The following FERMT1 variants were observed in gnomAD, a reference collection of about 807,000 sequenced individuals.
FERMT1 encodes the protein FERM domain containing kindlin 1.
Under a neutral mutation model 85.3 loss-of-function variants are expected in FERMT1, and 60 were observed. That is an observed-to-expected ratio of 0.70 (90% CI 0.57 to 0.87). The LOEUF is 0.87. Among genes scored for constraint, FERMT1 ranks in the 40% least tolerant of loss-of-function variants. The pLI, the probability that FERMT1 is intolerant of heterozygous loss-of-function variation, is 0.00. For missense variants in FERMT1, 701 were observed against 818.9 expected (o/e 0.86, Z 1.76); for synonymous variants, 275 against 301.1 (o/e 0.91, Z 0.90).
chr20:6,113,243 C>T (rs907006101), intron 3 of FERMT1, among the ~76,000 whole-genome samples: 19 of 152,186 alleles, frequency 1.2e-4, no homozygotes, highest in African/African-American at 4.6e-4. Context: ...TTGCCTTCCT[C>T]CATGATTGTG....
intron 10 of FERMT1, among the ~76,000 whole-genome samples, chr20:6,088,532 T>C (rs1409452823): frequency 6.6e-6 from 1 of 152,132 alleles, no homozygotes; most frequent in Admixed American, 6.5e-5. Context: ...CAGGCTGTCA[T>C]TTGGAAAACA....
intron 8 of FERMT1, among the ~76,000 whole-genome samples, chr20:6,095,685 G>C (rs1038411606): frequency 6.6e-6 from 1 of 152,176 alleles, no homozygotes; most frequent in South Asian, 2.1e-4. Context: ...TTATTCAGCG[G>C]AGAAAGTAGA....
At chr20:6,083,659 C>A (rs1022282689) in intron 13 of FERMT1, among the ~76,000 whole-genome samples, 6 of 125,690 alleles carry the variant, frequency 4.8e-5, no homozygotes, top group South Asian at 2.6e-4. Flanking sequence ...TGAGACACCC[C>A]CCCCCCCGGC....
Position 6,086,257 on chromosome 20 carries a change from G to A in FERMT1, c.1372-970C>T, listed in dbSNP as rs149521233. On this transcript the variant is annotated intron_variant, in intron 11 of 14. Coordinates refer to ENST00000217289, the MANE Select transcript of FERMT1 (RefSeq NM_017671.5). Reference sequence around the variant, plus strand: ...TATTTCTGTTTTCATATCACATCTGGTCTCTACGCCCAAAAGAAAATGATG... The same window carrying A: ...TATTTCTGTTTTCATATCACATCTGATCTCTACGCCCAAAAGAAAATGATG... Among the ~76,000 whole-genome samples the A allele has an allele frequency of 5.6e-3, 851 of 152,226 alleles. 6 individuals are homozygous for A. Among genetic ancestry groups the A allele is most frequent in the African/African-American group, 0.019 (794 of 41,526 alleles).
chr20:6,100,646 A>C (rs1982637422), intron 6 of FERMT1, among the ~76,000 whole-genome samples: 1 of 152,244 alleles, frequency 6.6e-6, no homozygotes, highest in Non-Finnish European at 1.5e-5. Context: ...CTAAACAGAA[A>C]AACCATGACT....
At chr20:6,080,388 T>A (rs1255137073) in intron 13 of FERMT1, among the ~76,000 whole-genome samples, 2 of 152,144 alleles carry the variant, frequency 1.3e-5, no homozygotes, top group Non-Finnish European at 2.9e-5. Flanking sequence ...ACTTAGGCAA[T>A]CCTCCTGCCT....
At chr20:6,086,857 G>C (rs1263819460) in intron 11 of FERMT1, among the ~76,000 whole-genome samples, 1 of 152,104 alleles carries the variant, frequency 6.6e-6, no homozygotes, top group African/African-American at 2.4e-5. Context: ...GTGGAACTAG[G>C]AGTCAATTAA....
At chr20:6,111,839 T>C (rs1002828016) in intron 4 of FERMT1, among the ~76,000 whole-genome samples, 1 of 151,584 alleles carries the variant, frequency 6.6e-6, no homozygotes, top group African/African-American at 2.4e-5. Context: ...GAAGTGTATT[T>C]GAGTGATTTA....
intron 5 of FERMT1, 114 bp downstream of exon 5, chr20:6,110,184 T>G: frequency 1.1e-6 from 1 of 909,200 alleles, no homozygotes; most frequent in Non-Finnish European, 1.8e-6. Context: ...AGCACTAACT[T>G]TTGCAAATAA....
intron 6 of FERMT1, among the ~76,000 whole-genome samples, 186 bp downstream of exon 6, chr20:6,107,346 G>A (rs1982826822): frequency 6.6e-6 from 1 of 152,162 alleles, no homozygotes. Flanking sequence ...GCAGCTTACT[G>A]TGCTCAGTAG....
intron 11 of FERMT1, among the ~76,000 whole-genome samples, chr20:6,086,801 T>C (rs375128259): frequency 1.4e-4 from 22 of 152,100 alleles, no homozygotes; most frequent in Admixed American, 9.2e-4. Flanking sequence ...TCCGCTAAGA[T>C]TGTAAGTTTC....
In FERMT1 at chr20:6,084,175, A is replaced by G. The variant is rs1458679431; in HGVS notation, c.1594-11T>C. On this transcript the variant is annotated splice_polypyrimidine_tract_variant and intron_variant, in intron 12 of 14. Coordinates refer to ENST00000217289, the MANE Select transcript of FERMT1 (RefSeq NM_017671.5). ...GATCCGGGCGGCCAGCTGAACAGAAACAGACATCAACCTCTCTTCACATGC... is the reference window on the plus strand; with the variant it reads ...GATCCGGGCGGCCAGCTGAACAGAAGCAGACATCAACCTCTCTTCACATGC... 4 of 1,607,512 alleles carry G rather than the reference A, an allele frequency of 2.5e-6. No individual in the cohort carries two copies. The highest frequency in any genetic ancestry group is 3.4e-5 in the Admixed American group (2 of 58,926).
intron 13 of FERMT1, among the ~76,000 whole-genome samples, chr20:6,080,877 CAA>C (rs1981975742): frequency 6.6e-6 from 1 of 152,120 alleles, no homozygotes; most frequent in Non-Finnish European, 1.5e-5. Flanking sequence ...ATCTCCAGTT[CAA>C]GAGACAGTTC....
rs1981788007 is a variant in FERMT1 at position 6,075,425 on chromosome 20, G to T, written c.*1748C>A. On this transcript the variant is annotated 3_prime_UTR_variant, in exon 15 of 15. Transcript: ENST00000217289. ...GGTACACTTAGCACTTGTTTCTATAGAAAACATTTCAAATCAAGTTCTTTA... is the reference window on the plus strand; with the variant it reads ...GGTACACTTAGCACTTGTTTCTATATAAAACATTTCAAATCAAGTTCTTTA... 2 of 152,394 alleles carry T rather than the reference G, an allele frequency of 1.3e-5. No individual in the cohort carries two copies. Among genetic ancestry groups the T allele is most frequent in the South Asian group, 4.1e-4 (2 of 4,822 alleles). The allele number at this position is 152,394 out of a possible 1,614,324, so 9.4% of individuals were successfully genotyped here.
chr20:6,083,507 G>A (rs1490842121), intron 13 of FERMT1, among the ~76,000 whole-genome samples: 1 of 151,902 alleles, frequency 6.6e-6, no homozygotes, highest in Non-Finnish European at 1.5e-5. Context: ...GAGACACTAT[G>A]AGACACAAAA....
rs777873785 is a variant in FERMT1 at position 6,104,163 on chromosome 20, G to A, written c.849+3369C>T. ...TGTGATTACAGGCATGAGCCCCTGC[G>A]CCCGGCTGAGTCTATTATTTTTGAA... is the stretch of plus-strand genomic sequence containing the variant. On this transcript the variant is annotated intron_variant, in intron 6 of 14. Transcript: ENST00000217289. The surrounding 1 kb of genome is among the most constrained non-coding windows in gnomAD (Gnocchi z 4.2). 2.0e-5 allele frequency among the ~76,000 whole-genome samples: 3 copies of A among 152,038 alleles called. No individual in the cohort carries two copies. The highest frequency in any genetic ancestry group is 4.4e-5 in the Non-Finnish European group (3 of 68,012).
chr20:6,094,645 C>G (rs1296406100), intron 9 of FERMT1, among the ~76,000 whole-genome samples: 4 of 152,158 alleles, frequency 2.6e-5, no homozygotes, highest in Non-Finnish European at 5.9e-5. Context: ...GTACCACGCT[C>G]AGTGCTTCAT....
rs1277368433 is a variant in FERMT1, at chr20:6,077,243, G to A, written c.1964C>T (p.Thr655Ile). 3 of 1,614,174 alleles carry A rather than the reference G, an allele frequency of 1.9e-6. No homozygotes were observed. The highest frequency in any genetic ancestry group is 2.2e-5 in the East Asian group (1 of 44,888). The change falls in exon 15 of 15, where the codon ACC becomes ATC. Residue 655 changes from threonine to isoleucine, a missense_variant. Transcript: ENST00000217289. The part of the protein sequence containing the change: ...EYIGGYIFLS[T>I]RSKDQNETLD... ...TGTTTCATTCTGGTCCTTGGAGCGG[G>A]TGGACAAGAAAATGTAGCCGCCAAT...
intron 2 of FERMT1, among the ~76,000 whole-genome samples, chr20:6,116,536 C>A (rs965415013): frequency 6.6e-6 from 1 of 151,774 alleles, no homozygotes; most frequent in Non-Finnish European, 1.5e-5. Context: ...GAGACCAGCC[C>A]GGCCTACATG....
Sources: allele counts gnomAD v4.1 joint callset (sites outside exome capture counted in the v4.1 genomes callset), GRCh38; gene constraint gnomAD v4.1.1; non-coding constraint Gnocchi (gnomAD v3.1); transcripts MANE v1.5; gene names NCBI Gene and HGNC (gene_info 2026-07-23, HGNC 2026-07-21).